GRM7: variants seen among roughly 807,000 people sequenced by gnomAD.
The protein encoded by GRM7 is metabotropic glutamate receptor 7.
GRM7 carries 35 observed loss-of-function variants against 84.5 expected under a neutral mutation model. The observed-to-expected ratio is 0.41, with a 90% CI of 0.32 to 0.55. The LOEUF (loss-of-function observed/expected upper bound fraction) is 0.55. Among genes scored for constraint, GRM7 ranks in the 20% least tolerant of loss-of-function variants. GRM7 has a pLI of 0.19. For synonymous variants in GRM7, 487 were observed against 455.1 expected (o/e 1.07, Z -0.89); for missense variants, 1,003 against 1,194.6 (o/e 0.84, Z 2.36).
At chr3:7,049,107 T>G (rs1696903344) in intron 1 of GRM7, among the ~76,000 whole-genome samples, 1 of 151,980 alleles carries the variant, frequency 6.6e-6, no homozygotes, top group African/African-American at 2.4e-5. Flanking sequence ...TCCTCTCACG[T>G]TAGTTCATTA....
intron 7 of GRM7, among the ~76,000 whole-genome samples, chr3:7,543,157 A>T (rs1692975836): frequency 2.0e-5 from 3 of 152,202 alleles, no homozygotes; most frequent in Non-Finnish European, 4.4e-5. Context: ...TCAGTTTTAC[A>T]ATAACTGGTT....
chr3:7,262,008 C>G (rs566994808), intron 2 of GRM7, among the ~76,000 whole-genome samples: 1 of 150,418 alleles, frequency 6.6e-6, no homozygotes, highest in Admixed American at 6.7e-5. Context: ...CAATCTCTTG[C>G]TGTTTGTAGG....
At chr3:7,503,640 T>C (rs1575425540) in intron 7 of GRM7, among the ~76,000 whole-genome samples, 1 of 152,096 alleles carries the variant, frequency 6.6e-6, no homozygotes, top group African/African-American at 2.4e-5. Context: ...GCTAATGTGG[T>C]GTATGATAGA....
At chr3:7,187,185 A>G (rs1372660924) in intron 2 of GRM7, among the ~76,000 whole-genome samples, 1 of 142,160 alleles carries the variant, frequency 7.0e-6, no homozygotes, top group African/African-American at 3.0e-5. Context: ...TGCCCATGCT[A>G]CTGCAGGAAG....
rs73809094 is a variant in GRM7, at chr3:7,390,183, C to T, written c.1034-24840C>T. ...TTTAAGAATGCTAAAAATGCGCCCC[C>T]AATCTCTTCTGGATTGTAAGGTTTC... On this transcript the variant is annotated intron_variant, in intron 4 of 9. Coordinates refer to ENST00000357716, the MANE Select transcript of GRM7 (RefSeq NM_000844.4). Among the ~76,000 whole-genome samples, 656 of 152,194 alleles carry T rather than the reference C, an allele frequency of 4.3e-3. 3 individuals are homozygous for T. The highest frequency in any genetic ancestry group is 0.015 in the African/African-American group (605 of 41,544).
intron 2 of GRM7, among the ~76,000 whole-genome samples, chr3:7,154,970 A>G (rs1254979065): frequency 6.6e-6 from 1 of 152,148 alleles, no homozygotes; most frequent in Non-Finnish European, 1.5e-5. Context: ...AAAATTTTAT[A>G]TGTATATTGG....
chr3:6,907,371 G>A (rs768305386), intron 1 of GRM7, among the ~76,000 whole-genome samples: 13 of 152,162 alleles, frequency 8.5e-5, no homozygotes, highest in South Asian at 4.1e-4. Context: ...AAAAAGTACC[G>A]TGGAGACGTG....
chr3:6,900,172 T>A (rs971000926), intron 1 of GRM7, among the ~76,000 whole-genome samples: 2 of 152,118 alleles, frequency 1.3e-5, no homozygotes, highest in Non-Finnish European at 2.9e-5. Context: ...AAGTAAAAGA[T>A]CAAATTACAA....
At position 7,372,282 on chromosome 3, in the gene GRM7, G is replaced by A. The variant is rs115988236; in HGVS notation, c.1034-42741G>A. On this transcript the variant is annotated intron_variant, in intron 4 of 9. Transcript: ENST00000357716. ...AACAATCACGTAAAGACGTTTGTGTGTATTTTCTGGAACCCTTAATTGTGG... is the reference window on the plus strand; with the variant it reads ...AACAATCACGTAAAGACGTTTGTGTATATTTTCTGGAACCCTTAATTGTGG... 2.6e-3 allele frequency among the ~76,000 whole-genome samples: 403 copies of A among 152,270 alleles called. 1 individual carries two copies. The highest frequency in any genetic ancestry group is 9.3e-3 in the African/African-American group (385 of 41,564).
intron 4 of GRM7, among the ~76,000 whole-genome samples, chr3:7,344,476 C>G (rs1692796078): frequency 6.6e-6 from 1 of 151,974 alleles, no homozygotes; most frequent in Non-Finnish European, 1.5e-5. Context: ...ACCACATTTT[C>G]TCTATCTAGT....
chr3:7,485,261 C>A (rs764538351), intron 7 of GRM7, among the ~76,000 whole-genome samples: 24 of 152,188 alleles, frequency 1.6e-4, no homozygotes, highest in Non-Finnish European at 2.8e-4. Flanking sequence ...TGTTACACAG[C>A]AGTCAATAAC....
intron 7 of GRM7, among the ~76,000 whole-genome samples, chr3:7,477,350 A>T (rs1219248045): frequency 2.6e-5 from 4 of 152,164 alleles, no homozygotes; most frequent in Non-Finnish European, 5.9e-5. Context: ...AGTCTTCTTT[A>T]GACAGATACT....
intron 7 of GRM7, among the ~76,000 whole-genome samples, chr3:7,513,279 G>A (rs1187368436): frequency 1.3e-5 from 2 of 152,096 alleles, no homozygotes; most frequent in Admixed American, 1.3e-4. Flanking sequence ...GTTACTGCAT[G>A]GATTAAAATC....
At chr3:7,444,596 C>T (rs907844123) in intron 5 of GRM7, among the ~76,000 whole-genome samples, 1 of 152,158 alleles carries the variant, frequency 6.6e-6, no homozygotes, top group African/African-American at 2.4e-5. Flanking sequence ...TGGAGTCTCT[C>T]AGGACACCTT....
chr3:6,937,260 C>T (rs1697726431), intron 1 of GRM7, among the ~76,000 whole-genome samples: 1 of 152,168 alleles, frequency 6.6e-6, no homozygotes, highest in South Asian at 2.1e-4. Flanking sequence ...TTGGGAATTC[C>T]ACCTCATCAG....
chr3:7,636,248 C>G (rs1419668160), intron 8 of GRM7: 1 of 456,654 alleles, frequency 2.2e-6, no homozygotes, highest in African/African-American at 2.0e-5. Context: ...TACCCCACTT[C>G]CCAGGTCTCA....
intron 4 of GRM7, among the ~76,000 whole-genome samples, chr3:7,413,369 G>A (rs113777275): frequency 2.6e-5 from 4 of 152,120 alleles, no homozygotes; most frequent in African/African-American, 4.8e-5. Context: ...CCTTGTGAGC[G>A]AAATTGAATA....
intron 7 of GRM7, among the ~76,000 whole-genome samples, chr3:7,538,370 C>G (rs1239119876): frequency 6.6e-6 from 1 of 152,150 alleles, no homozygotes; most frequent in Non-Finnish European, 1.5e-5. Context: ...CCTCAGCCTC[C>G]CAAAGTGCTG....
intron 1 of GRM7, among the ~76,000 whole-genome samples, chr3:6,953,766 C>T (rs914602160): frequency 2.6e-5 from 4 of 152,176 alleles, no homozygotes; most frequent in African/African-American, 9.7e-5. Context: ...CTGCTTGGCT[C>T]CCTTTCAGCC....
Sources: gnomAD v4.1 joint callset for allele counts (sites outside exome capture counted in the v4.1 genomes callset) on GRCh38, gnomAD v4.1.1 for gene constraint, MANE v1.5 for transcripts, NCBI Gene and HGNC (gene_info 2026-07-23, HGNC 2026-07-21) for gene names.